DMD: variants seen among roughly 807,000 people sequenced by gnomAD.
DMD encodes dystrophin.
A neutral mutation model predicts 330.1 loss-of-function variants in DMD; 63 were observed. That is an observed-to-expected ratio of 0.19 (90% confidence interval 0.16 to 0.24). The LOEUF (loss-of-function observed/expected upper bound fraction) is 0.24, where lower values mean the gene tolerates loss of function less well. Ranked by LOEUF, DMD falls within the 10% of genes least tolerant of loss-of-function variation. DMD has a pLI of 1.00. For missense variants in DMD, 3,344 were observed against 2,684.1 expected, an observed-to-expected ratio of 1.25 and a Z score of -5.43; for synonymous variants, 1,223 against 959.8, an observed-to-expected ratio of 1.27 and a Z score of -5.07.
intron 1 of DMD, among the ~76,000 whole-genome samples, chrX:33,074,880 C>T (rs1487827549): frequency 2.7e-5 from 3 of 111,988 alleles, no homozygotes; most frequent in Non-Finnish European, 5.6e-5. Flanking sequence ...CTTCAAGCTG[C>T]TCTTAATTAT....
intron 44 of DMD, among the ~76,000 whole-genome samples, chrX:32,095,846 T>C (rs1287555669): frequency 9.0e-6 from 1 of 111,473 alleles, no homozygotes; most frequent in African/African-American, 3.3e-5. Flanking sequence ...TAAGCACATA[T>C]ACCATGTGCC....
chrX:32,767,081 G>C (rs1189576001), intron 7 of DMD, among the ~76,000 whole-genome samples: 1 of 111,039 alleles, frequency 9.0e-6, no homozygotes, highest in Non-Finnish European at 1.9e-5. Flanking sequence ...CCAACCAAAA[G>C]CAACACCGCT....
intron 1 of DMD, among the ~76,000 whole-genome samples, chrX:33,183,505 T>G (rs1042171006): frequency 9.0e-6 from 1 of 111,525 alleles, no homozygotes; most frequent in Non-Finnish European, 1.9e-5. Flanking sequence ...GGCTCGGCTA[T>G]TTTTAGGTTT....
chrX:32,178,979 TC>T (rs2096917610), intron 44 of DMD, among the ~76,000 whole-genome samples: 1 of 103,316 alleles, frequency 9.7e-6, no homozygotes, highest in Non-Finnish European at 2.0e-5. Context: ...TCTCTCTCTC[TC>T]TCCCTCTCCT....
intron 8 of DMD, 101 bp downstream of exon 8, chrX:32,699,011 T>A (rs1241050298): frequency 1.4e-6 from 1 of 711,723 alleles, no homozygotes; most frequent in East Asian, 3.4e-5. Flanking sequence ...TATATACACG[T>A]GTATATACAT....
chrX:32,573,910 G>A, intron 13 of DMD, 64 bp from the exon 14 acceptor site: 1 of 999,050 alleles, frequency 1.0e-6, no homozygotes, highest in Non-Finnish European at 1.4e-6. Context: ...TATTAAAAAT[G>A]GCATGAATAA....
At chrX:32,369,485 T>C (rs2097865201) in intron 34 of DMD, among the ~76,000 whole-genome samples, 1 of 111,760 alleles carries the variant, frequency 8.9e-6, no homozygotes, top group African/African-American at 3.2e-5. Context: ...TCCATTGGTC[T>C]CTGCTGATTA....
chrX:32,275,660 A>G (rs1316739970), intron 43 of DMD, among the ~76,000 whole-genome samples: 2 of 111,950 alleles, frequency 1.8e-5, no homozygotes, highest in Non-Finnish European at 3.8e-5. Context: ...CTACTTATTC[A>G]TTATTTTCTT....
intron 21 of DMD, among the ~76,000 whole-genome samples, chrX:32,477,717 T>C (rs1326744283): frequency 2.8e-5 from 3 of 106,996 alleles, no homozygotes; most frequent in Non-Finnish European, 5.7e-5. Context: ...CGGTTATATA[T>C]AACACTTTAC....
chrX:31,529,437 G>T (rs2073528704), intron 55 of DMD, among the ~76,000 whole-genome samples: 1 of 110,967 alleles, frequency 9.0e-6, no homozygotes, highest in African/African-American at 3.3e-5. Context: ...AGTAACACAA[G>T]AATAACAGGG....
chrX:31,968,217 T>G, intron 45 of DMD, 122 bp downstream of exon 45: 1 of 815,263 alleles, frequency 1.2e-6, no homozygotes, highest in South Asian at 2.3e-5. Context: ...GATTAATGGT[T>G]GATAGGTTCT....
intron 29 of DMD, among the ~76,000 whole-genome samples, chrX:32,424,081 T>C (rs1037884475): frequency 2.7e-5 from 3 of 111,116 alleles, no homozygotes; most frequent in Non-Finnish European, 5.7e-5. Context: ...CAAAATGTAA[T>C]CACTCTTGAC....
intron 50 of DMD, among the ~76,000 whole-genome samples, chrX:31,791,746 T>C (rs2091581118): frequency 1.8e-5 from 2 of 112,048 alleles, no homozygotes; most frequent in Admixed American, 9.5e-5. Context: ...CTTACTAATG[T>C]CTACGATCAC....
chrX:31,608,382 TA>T (rs2077717835), intron 55 of DMD, among the ~76,000 whole-genome samples: 2 of 111,899 alleles, frequency 1.8e-5, no homozygotes, highest in Non-Finnish European at 3.8e-5. Context: ...ACAGTGTGTT[TA>T]TGATGTATAA....
intron 1 of DMD, among the ~76,000 whole-genome samples, chrX:33,184,350 A>AT (rs748539772): frequency 4.5e-5 from 5 of 110,745 alleles, no homozygotes; most frequent in Admixed American, 9.6e-5. Context: ...TTTTTTAATG[A>AT]TTTTTTTTTG....
At position 31,971,430 on chromosome X, in the gene DMD, A is replaced by C. The variant is rs781367367; in HGVS notation, c.6439-2916T>G. Among the ~76,000 whole-genome samples, 55 of 111,696 alleles carry C rather than the reference A, an allele frequency of 4.9e-4. 1 individual carries two copies. The highest frequency in any genetic ancestry group is 1.8e-3 in the African/African-American group (54 of 30,778). On this transcript the variant is annotated intron_variant, in intron 44 of 78. Transcript: ENST00000357033. ...TTGAACAGCTAAGAGTGAAGCAATA[A>C]TTTAAAATTGTTAGATCTAAATCTC...
chrX:31,809,311 T>A (rs2092392943), intron 50 of DMD, among the ~76,000 whole-genome samples: 1 of 108,530 alleles, frequency 9.2e-6, no homozygotes, highest in Non-Finnish European at 1.9e-5. Context: ...TATACAGTTA[T>A]ATGTCTATAT....
chrX:32,859,438 G>A (rs66977399), intron 2 of DMD, among the ~76,000 whole-genome samples: 7,558 of 101,364 alleles, frequency 0.075, 663 homozygotes, highest in African/African-American at 0.25. Context: ...ACTGCACTCC[G>A]GCCTTTGTGA....
intron 17 of DMD, among the ~76,000 whole-genome samples, chrX:32,521,613 T>C (rs1236402003): frequency 1.8e-5 from 2 of 112,354 alleles, no homozygotes; most frequent in Non-Finnish European, 3.8e-5. Context: ...ATTCCACAGC[T>C]ATATAACCAT....
Sources: gnomAD v4.1 joint callset for allele counts (sites outside exome capture counted in the v4.1 genomes callset) on GRCh38, gnomAD v4.1.1 for gene constraint, MANE v1.5 for transcripts, NCBI Gene and HGNC (gene_info 2026-07-23, HGNC 2026-07-21) for gene names.